MCTP1: variants seen among roughly 807,000 people sequenced by gnomAD.
The protein encoded by MCTP1 is multiple C2 and transmembrane domain-containing protein 1.
MCTP1 carries 69 observed loss-of-function variants against 120.6 expected under a neutral mutation model. The observed-to-expected ratio is 0.57, with a 90% CI of 0.47 to 0.70. The LOEUF (loss-of-function observed/expected upper bound fraction) is 0.70. Among genes scored for constraint, MCTP1 ranks in the 30% least tolerant of loss-of-function variants. The pLI is 0.00. For synonymous variants in MCTP1, 529 were observed against 493.1 expected (o/e 1.07, Z -0.96); for missense variants, 1,203 against 1,248.8 (o/e 0.96, Z 0.55).
chr5:94,864,226 AT>A (rs1796364998), intron 17 of MCTP1, among the ~76,000 whole-genome samples: 1 of 151,834 alleles, frequency 6.6e-6, no homozygotes, highest in South Asian at 2.1e-4. Flanking sequence ...ACAGAAAGAA[AT>A]GTATTTTATG....
At chr5:95,133,218 G>A (rs1759180417) in intron 1 of MCTP1, among the ~76,000 whole-genome samples, 1 of 152,056 alleles carries the variant, frequency 6.6e-6, no homozygotes, top group African/African-American at 2.4e-5. Context: ...TATCTACAGG[G>A]GATATGTTTC....
At chr5:94,917,875 G>T (rs984809303) in intron 8 of MCTP1, 21 bp downstream of exon 8, 2 of 1,601,966 alleles carry the variant, frequency 1.2e-6, no homozygotes, top group Non-Finnish European at 1.7e-6. Flanking sequence ...AAAAATAAAT[G>T]AACTGAATGG....
intron 1 of MCTP1, among the ~76,000 whole-genome samples, chr5:95,091,309 T>A (rs993226589): frequency 3.3e-5 from 5 of 152,240 alleles, no homozygotes; most frequent in Admixed American, 3.3e-4. Flanking sequence ...CTACTCATAA[T>A]TCATTGCAGG....
chr5:95,279,280 T>C (rs914626482), intron 1 of MCTP1, among the ~76,000 whole-genome samples: 5 of 152,228 alleles, frequency 3.3e-5, no homozygotes, highest in African/African-American at 1.2e-4. Context: ...GAATGTTCTA[T>C]TTTTAAATGA....
intron 19 of MCTP1, among the ~76,000 whole-genome samples, chr5:94,766,540 G>A (rs1355599686): frequency 6.6e-6 from 1 of 152,042 alleles, no homozygotes; most frequent in Non-Finnish European, 1.5e-5. Context: ...GGGGAGGGAG[G>A]AGGGATAGCA....
intron 1 of MCTP1, 140 bp downstream of exon 1, chr5:95,283,716 G>T: frequency 7.0e-6 from 4 of 569,342 alleles, no homozygotes; most frequent in Non-Finnish European, 1.1e-5. Flanking sequence ...GTTTTCTTTC[G>T]ACTGTTTCAT....
chr5:94,799,274 CT>C, intron 17 of MCTP1, 142 bp from the exon 18 acceptor site: 1 of 749,680 alleles, frequency 1.3e-6, no homozygotes, highest in Non-Finnish European at 2.1e-6. Flanking sequence ...GCCTTGGAAA[CT>C]TTTAGACATT....
intron 1 of MCTP1, among the ~76,000 whole-genome samples, chr5:95,110,291 C>T (rs576940949): frequency 2.6e-5 from 4 of 152,154 alleles, no homozygotes; most frequent in East Asian, 3.9e-4. Context: ...GCGACACTTC[C>T]TCTTGCATCT....
chr5:94,867,130 A>C, intron 17 of MCTP1: 1 of 1,006,204 alleles, frequency 9.9e-7, no homozygotes, highest in Non-Finnish European at 1.3e-6. Context: ...GGGAAAAATC[A>C]GAATAAAGTT....
chr5:95,250,860 T>A (rs1167390168), intron 1 of MCTP1, among the ~76,000 whole-genome samples: 4 of 152,216 alleles, frequency 2.6e-5, no homozygotes, highest in Non-Finnish European at 5.9e-5. Flanking sequence ...TGGAAAATGC[T>A]GAATCTCCTC....
chr5:95,203,588 T>C (rs1049537684), intron 1 of MCTP1, among the ~76,000 whole-genome samples: 2 of 152,338 alleles, frequency 1.3e-5, no homozygotes, highest in East Asian at 1.9e-4. Context: ...TTCACTTATG[T>C]CTCCTATAGA....
chr5:94,726,741 G>T (rs1273857425), intron 19 of MCTP1, among the ~76,000 whole-genome samples: 1 of 152,082 alleles, frequency 6.6e-6, no homozygotes, highest in Non-Finnish European at 1.5e-5. Context: ...GAGAAGCTAA[G>T]TTTTCATTAC....
chr5:94,803,121 T>C (rs1434300020), intron 17 of MCTP1, among the ~76,000 whole-genome samples: 3 of 152,242 alleles, frequency 2.0e-5, no homozygotes, highest in Non-Finnish European at 4.4e-5. Context: ...CCTATGTTAG[T>C]TATCCATGTT....
intron 2 of MCTP1, among the ~76,000 whole-genome samples, chr5:94,972,428 C>T (rs532425223): frequency 1.1e-3 from 172 of 152,240 alleles, no homozygotes; most frequent in Non-Finnish European, 1.9e-3. Flanking sequence ...CTGGTCCTCC[C>T]TTCAGAGAAT....
intron 17 of MCTP1, among the ~76,000 whole-genome samples, chr5:94,830,432 ATTTCT>A (rs1469060016): frequency 6.6e-6 from 1 of 152,216 alleles, no homozygotes; most frequent in Non-Finnish European, 1.5e-5. Context: ...AAAAAGTAAC[ATTTCT>A]TTTCTCATGG....
Position 94,840,337 on chromosome 5 carries a change from G to C in MCTP1, c.2436+27996C>G, listed in dbSNP as rs115984969. Among the ~76,000 whole-genome samples the C allele has an allele frequency of 7.4e-3, 1,122 of 152,342 alleles. 6 individuals are homozygous for C. The highest frequency in any genetic ancestry group is 0.013 in the Non-Finnish European group (853 of 68,028). The stretch of plus-strand genomic sequence containing the variant: ...CTGAGAAGACTGAGATATGCAGAGA[G>C]AGGAACAGAGAGACGACAAACAGCT... On this transcript the variant is annotated intron_variant, in intron 17 of 22. Coordinates refer to ENST00000515393, the MANE Select transcript of MCTP1 (RefSeq NM_024717.7).
chr5:94,983,802 G>A (rs1256146903), intron 2 of MCTP1, among the ~76,000 whole-genome samples: 10 of 152,078 alleles, frequency 6.6e-5, no homozygotes, highest in Non-Finnish European at 1.3e-4. Context: ...TATGCCTTCC[G>A]ACCTATAGCC....
At chr5:94,709,081 T>A (rs1424299134) in intron 21 of MCTP1, 1 of 152,188 alleles carries the variant, frequency 6.6e-6, no homozygotes, top group African/African-American at 2.4e-5. Context: ...ACACATGATG[T>A]TTATTTTTTT....
chr5:95,089,913 T>C (rs769651046), intron 1 of MCTP1, among the ~76,000 whole-genome samples: 3 of 152,212 alleles, frequency 2.0e-5, no homozygotes, highest in Non-Finnish European at 2.9e-5. Flanking sequence ...TATCAAAATG[T>C]AGCTTAGTGC....
Sources: gnomAD v4.1 joint callset for allele counts (sites outside exome capture counted in the v4.1 genomes callset) on GRCh38, gnomAD v4.1.1 for gene constraint, MANE v1.5 for transcripts, NCBI Gene and HGNC (gene_info 2026-07-23, HGNC 2026-07-21) for gene names.